Variants in DEAF1 observed in about 807,000 individuals in gnomAD.
The protein encoded by DEAF1 is deformed epidermal autoregulatory factor 1 homolog.
A neutral mutation model predicts 58.9 loss-of-function variants in DEAF1; 53 were observed. The ratio of observed to expected loss-of-function variants is 0.90; its 90% CI spans 0.72 to 1.13. The LOEUF (loss-of-function observed/expected upper bound fraction) is 1.13, where lower values mean the gene tolerates loss of function less well. Among genes scored for constraint, DEAF1 ranks in the 50% most tolerant of loss-of-function variants. The pLI is 0.00. For synonymous variants in DEAF1, 385 were observed against 340.4 expected (o/e 1.13, Z -1.44); for missense variants, 685 against 791.4 (o/e 0.87, Z 1.61).
chr11:669,198 G>T (rs1413251122), intron 10 of DEAF1, among the ~76,000 whole-genome samples: 2 of 140,502 alleles, frequency 1.4e-5, no homozygotes, highest in African/African-American at 5.4e-5. Context: ...CTGGCCTCAA[G>T]ACCTTGGCCT....
intron 11 of DEAF1, among the ~76,000 whole-genome samples, chr11:649,936 A>C (rs1858683075): frequency 6.6e-6 from 1 of 151,190 alleles, no homozygotes; most frequent in South Asian, 2.1e-4. Context: ...TGAGGAAGGG[A>C]AATCACTTGA....
rs768468200 is a variant in DEAF1, at chr11:678,764, G to A, written c.1185C>T (p.Pro395=). ...CRASHPEPHY[P]GYQDSCQIAP... ...CGATCTGGCAGCTGTCCTGATAGCC[G>A]GGGTAGTGAGGCTCAGGGTGGCTGG... Residue 395 remains proline (P), a synonymous_variant, in exon 9 of 12, where the codon CCC becomes CCT. Coordinates refer to ENST00000382409, the MANE Select transcript of DEAF1 (RefSeq NM_021008.4). 68 of 1,614,054 alleles carry A rather than the reference G, an allele frequency of 4.2e-5. No homozygotes were observed. Among genetic ancestry groups the A allele is most frequent in the East Asian group, 1.8e-4 (8 of 44,890 alleles).
At chr11:700,084 C>A, upstream of DEAF1, 1 of 1,467,860 alleles carries the variant, frequency 6.8e-7, no homozygotes, top group Non-Finnish European at 9.5e-7. Context: ...TCTTGTTCAG[C>A]CACCTGGGAG....
chr11:674,394 G>T lies in DEAF1; in HGVS notation c.1503+142C>A, dbSNP rs150505462. The T allele has an allele frequency of 4.9e-5, 56 of 1,148,004 alleles. No homozygotes were observed. In the East Asian group the frequency reaches 1.3e-3, roughly 27 times the overall value. The allele number at this position is 1,148,004 out of a possible 1,614,324, so 71.1% of individuals were successfully genotyped here. A position where few individuals can be genotyped will look rare whatever the true frequency, so the allele number is the denominator to read the frequency against. Reference sequence around the variant, plus strand: ...TTTAGGAAAAGCTTCATTTGTAAATGACTCTCCACAGCTCCCTTTTCCAGA... The same window carrying T: ...TTTAGGAAAAGCTTCATTTGTAAATTACTCTCCACAGCTCCCTTTTCCAGA... On this transcript the variant is annotated intron_variant, in intron 10 of 11. Transcript: ENST00000382409.
intron 11 of DEAF1, among the ~76,000 whole-genome samples, chr11:650,346 C>A (rs1440533949): frequency 3.9e-5 from 5 of 127,200 alleles, no homozygotes; most frequent in Non-Finnish European, 6.2e-5. Context: ...TGCATTCCAG[C>A]CTGGGGGACA....
chr11:703,864 G>T, intron 1 of DEAF1: 4 of 1,236,562 alleles, frequency 3.2e-6, no homozygotes, highest in Non-Finnish European at 4.0e-6. Context: ...AGCAGCGGAG[G>T]GCCACATTCG....
rs1403617907 is a variant in DEAF1 at position 704,059 on chromosome 11, T to C, written c.-438+2513A>G. 6 of 1,146,328 alleles carry C rather than the reference T, an allele frequency of 5.2e-6. No individual in the cohort carries two copies. The South Asian group carries it at 1.6e-4, about 30-fold the overall frequency. The allele number at this position is 1,146,328 out of a possible 1,614,324, so 71.0% of individuals were successfully genotyped here. A position where few individuals can be genotyped will look rare whatever the true frequency, so the allele number is the denominator to read the frequency against. On this transcript the variant is annotated intron_variant, in intron 1 of 11. Transcript: ENST00000683307. ...GTGTGTTTTCTATGTTTGGAATAAT[T>C]ACACCCAAATATCTAGATATTTTCT...
At chr11:686,798 G>T in intron 5 of DEAF1, 60 bp downstream of exon 5, 3 of 1,609,060 alleles carry the variant, frequency 1.9e-6, no homozygotes, top group Non-Finnish European at 1.7e-6. Context: ...TGGCTGGGCC[G>T]CCTCAGAGGG....
chr11:679,710 G>C lies in DEAF1; in HGVS notation c.1104C>G (p.Gly368=). The change falls in exon 8 of 12, where the codon GGC becomes GGG. Residue 368 remains glycine, a synonymous_variant. Coordinates refer to ENST00000382409, the MANE Select transcript of DEAF1 (RefSeq NM_021008.4). The stretch of plus-strand genomic sequence containing the variant: ...CACCTGTGGCCCCTGCGAAGACGTC[G>C]CCCTGGGCCGGACTCTCTGATATGA... ...TAVISESPAQ[G]DVFAGATVQE... is the part of the protein sequence containing the mutation. 6.2e-7 allele frequency: 1 copy of C among 1,613,002 alleles called. No individual in the cohort carries two copies.
Position 687,960 on chromosome 11 carries a change from T to C in DEAF1, c.615A>G (p.Val205=), listed in dbSNP as rs1022053064. 1 of 1,614,030 alleles carries C rather than the reference T, an allele frequency of 6.2e-7. No homozygotes were observed. The highest frequency in any genetic ancestry group is 1.7e-5 in the Admixed American group (1 of 60,000). The change falls in exon 4 of 12, where the codon GTA becomes GTG. Residue 205 remains valine, a synonymous_variant. Transcript: ENST00000382409. ...GAGTGCCGCTGATGTTCCGGCACCG[T>C]ACGGGCAGCTCACTGTCGTACACAG... ...DPSVYDSELP[V]RCRNISGTLY...
chr11:694,949 T>TGCCGCGGCCGCGGCC lies in DEAF1; in HGVS notation c.84_98dup (p.Ala29_Ala33dup). On this transcript the variant is annotated inframe_insertion, in exon 1 of 12. Transcript: ENST00000382409. The stretch of plus-strand genomic sequence containing the variant: ...GCACCGGCTCCTCCGCCTCGCCTCC[T>TGCCGCGGCCGCGGCC]GCCGCGGCCGCGGCCGCCGCCGCCA... 8.8e-7 allele frequency: 1 copy of TGCCGCGGCCGCGGCC among 1,140,442 alleles called. No individual in the cohort carries two copies. Among genetic ancestry groups the TGCCGCGGCCGCGGCC allele is most frequent in the Non-Finnish European group, 1.1e-6 (1 of 925,700 alleles). 70.6% of individuals were successfully genotyped at this position (1,140,442 alleles called of 1,614,324 possible). A position where few individuals can be genotyped will look rare whatever the true frequency, so the allele number is the denominator to read the frequency against.
intron 6 of DEAF1, 62 bp downstream of exon 6, chr11:684,836 G>A: frequency 6.3e-6 from 9 of 1,429,352 alleles, no homozygotes; most frequent in South Asian, 1.2e-5. Flanking sequence ...AGGGCTGTGG[G>A]ACCCACTCAG....
chr11:691,891 C>A (rs558144531), intron 1 of DEAF1, among the ~76,000 whole-genome samples: 1 of 152,306 alleles, frequency 6.6e-6, no homozygotes, highest in Admixed American at 6.5e-5. Flanking sequence ...CCAGCTCTAT[C>A]AAACCACCAC....
chr11:651,990 G>GA (rs914820327), intron 11 of DEAF1, among the ~76,000 whole-genome samples: 2 of 152,202 alleles, frequency 1.3e-5, no homozygotes, highest in African/African-American at 4.8e-5. Flanking sequence ...GTGAGAATAT[G>GA]AAAGAGTTGA....
At chr11:669,589 T>C (rs1319088041) in intron 10 of DEAF1, among the ~76,000 whole-genome samples, 1 of 151,436 alleles carries the variant, frequency 6.6e-6, no homozygotes, top group Admixed American at 6.6e-5. Flanking sequence ...CGAGCCGAGA[T>C]TGTGCCATTG....
intron 10 of DEAF1, chr11:665,948 T>C (rs188067436): frequency 4.8e-4 from 73 of 152,330 alleles, no homozygotes; most frequent in African/African-American, 1.6e-3. Flanking sequence ...ACGTCCTTGT[T>C]TGACCCTGAG....
At chr11:695,654 C>T (rs750162033), upstream of DEAF1, 37 of 1,244,348 alleles carry the variant, frequency 3.0e-5, no homozygotes, top group Non-Finnish European at 3.5e-5. Flanking sequence ...CCGAAAGTGC[C>T]CGAGCGGTGC....
intron 7 of DEAF1, 192 bp from the exon 8 acceptor site, chr11:680,008 G>GATGACCAGC: frequency 1.5e-6 from 1 of 670,478 alleles, no homozygotes; most frequent in East Asian, 2.7e-5. Context: ...AGAAAACCAG[G>GATGACCAGC]ATGGCCAGGA....
At chr11:655,748 A>G (rs1337494164) in intron 10 of DEAF1, among the ~76,000 whole-genome samples, 1 of 149,738 alleles carries the variant, frequency 6.7e-6, no homozygotes, top group African/African-American at 2.6e-5. Flanking sequence ...TCCGACATTC[A>G]GTCACTCACT....
Sources: gnomAD v4.1 joint callset for allele counts (sites outside exome capture counted in the v4.1 genomes callset) on GRCh38, gnomAD v4.1.1 for gene constraint, MANE v1.5 for transcripts, NCBI Gene and HGNC (gene_info 2026-07-23, HGNC 2026-07-21) for gene names.